SLC24A2: variants seen among roughly 807,000 people sequenced by gnomAD.
The protein encoded by SLC24A2 is sodium/potassium/calcium exchanger 2.
A neutral mutation model predicts 62.0 loss-of-function variants in SLC24A2; 36 were observed. That is an observed-to-expected ratio of 0.58 (90% CI 0.44 to 0.77). The LOEUF (loss-of-function observed/expected upper bound fraction) is 0.77, where lower values mean the gene tolerates loss of function less well. SLC24A2 is among the 30% of genes least tolerant of loss of function. SLC24A2 has a pLI of 0.00. For synonymous variants in SLC24A2, 358 were observed against 294.0 expected, an observed-to-expected ratio of 1.22 and a Z score of -2.23; for missense variants, 846 against 817.9, an observed-to-expected ratio of 1.03 and a Z score of -0.42.
chr9:20,098,150 C>A, the SLC24A2 span, among the ~76,000 whole-genome samples: 99 of 152,254 alleles, frequency 6.5e-4, no homozygotes, highest in Middle Eastern at 3.4e-3. Context: ...ACTTAGCTAT[C>A]AGGTTCTGAA....
chr9:19,914,623 A>G, the SLC24A2 span, among the ~76,000 whole-genome samples: 2 of 152,120 alleles, frequency 1.3e-5, no homozygotes, highest in African/African-American at 4.8e-5. Flanking sequence ...CTCTTAAGGC[A>G]TTCTGTTCAC....
At chr9:20,013,466 A>T in the SLC24A2 span, among the ~76,000 whole-genome samples, 1 of 152,242 alleles carries the variant, frequency 6.6e-6, no homozygotes, top group Non-Finnish European at 1.5e-5. Context: ...CTACTGGAAG[A>T]AAACATGAGG....
intron 7 of SLC24A2, among the ~76,000 whole-genome samples, chr9:19,558,034 C>T (rs943797186): frequency 1.4e-4 from 22 of 152,106 alleles, no homozygotes; most frequent in African/African-American, 5.3e-4. Flanking sequence ...CCCAGGCTGA[C>T]TCAAGTGATC....
chr9:19,631,349 C>G (rs1177393717), intron 2 of SLC24A2, among the ~76,000 whole-genome samples: 1 of 152,158 alleles, frequency 6.6e-6, no homozygotes, highest in Non-Finnish European at 1.5e-5. Context: ...TTGAATCAGT[C>G]TCCTCCCAGG....
the SLC24A2 span, among the ~76,000 whole-genome samples, chr9:20,139,266 A>G: frequency 6.6e-6 from 1 of 152,236 alleles, no homozygotes; most frequent in East Asian, 1.9e-4. Flanking sequence ...GACTGCCTGT[A>G]TTAAAATCCC....
chr9:19,915,604 G>C, the SLC24A2 span, among the ~76,000 whole-genome samples: 1 of 151,938 alleles, frequency 6.6e-6, no homozygotes, highest in Non-Finnish European at 1.5e-5. Context: ...TATTTTCTTG[G>C]CTTATTATTA....
the SLC24A2 span, among the ~76,000 whole-genome samples, chr9:20,106,393 C>CA: frequency 2.6e-5 from 4 of 151,874 alleles, no homozygotes; most frequent in African/African-American, 9.7e-5. Context: ...GAGACACAAC[C>CA]AAAAAAGAGA....
chr9:19,587,463 T>C (rs997176455), intron 5 of SLC24A2, among the ~76,000 whole-genome samples: 1 of 152,208 alleles, frequency 6.6e-6, no homozygotes, highest in Non-Finnish European at 1.5e-5. Context: ...TACATTGTAA[T>C]CTGGTACCTG....
the SLC24A2 span, among the ~76,000 whole-genome samples, chr9:20,039,168 C>A: frequency 6.6e-6 from 1 of 152,136 alleles, no homozygotes; most frequent in Non-Finnish European, 1.5e-5. Context: ...GACGGGCTGG[C>A]CCTGAGTTTT....
the SLC24A2 span, among the ~76,000 whole-genome samples, chr9:20,274,840 G>C: frequency 6.6e-6 from 1 of 152,002 alleles, no homozygotes; most frequent in South Asian, 2.1e-4. Context: ...ACTGTGGGAT[G>C]AGCATGCCAC....
intron 8 of SLC24A2, among the ~76,000 whole-genome samples, chr9:19,533,026 CTG>C (rs1365761863): frequency 6.6e-6 from 1 of 152,142 alleles, no homozygotes; most frequent in Non-Finnish European, 1.5e-5. Flanking sequence ...ATTAATAAAA[CTG>C]TAAGTGTAAA....
At chr9:19,793,871 T>C (rs1823347926), upstream of SLC24A2, among the ~76,000 whole-genome samples, 3 of 152,228 alleles carry the variant, frequency 2.0e-5, no homozygotes, top group Non-Finnish European at 4.4e-5. Flanking sequence ...GTCTACTTCC[T>C]AAGAGGATCT....
the SLC24A2 span, among the ~76,000 whole-genome samples, chr9:20,012,146 C>T: frequency 1.3e-5 from 2 of 152,192 alleles, no homozygotes; most frequent in Admixed American, 6.5e-5. Context: ...GAGATACCCA[C>T]TGTATTAGTC....
chr9:20,074,403 C>G, the SLC24A2 span, among the ~76,000 whole-genome samples: 4 of 151,882 alleles, frequency 2.6e-5, no homozygotes, highest in Non-Finnish European at 5.9e-5. Flanking sequence ...GGCTCACATC[C>G]TTGCCACTTA....
At chr9:19,819,069 A>G in the SLC24A2 span, among the ~76,000 whole-genome samples, 1 of 152,184 alleles carries the variant, frequency 6.6e-6, no homozygotes, top group South Asian at 2.1e-4. Context: ...CTGATCTTTG[A>G]CAAAGCAAAC....
chr9:19,720,205 A>G (rs1436416087), intron 2 of SLC24A2, among the ~76,000 whole-genome samples: 1 of 152,208 alleles, frequency 6.6e-6, no homozygotes, highest in African/African-American at 2.4e-5. Context: ...TTTTTCTATT[A>G]AAAATTTAAA....
chr9:19,972,927 A>G, the SLC24A2 span, among the ~76,000 whole-genome samples: 2 of 152,118 alleles, frequency 1.3e-5, no homozygotes, highest in African/African-American at 4.8e-5. Context: ...ACCTGCCCAC[A>G]CTTGCCTGTT....
the SLC24A2 span, among the ~76,000 whole-genome samples, chr9:20,239,123 A>C: frequency 6.6e-6 from 1 of 152,238 alleles, no homozygotes; most frequent in African/African-American, 2.4e-5. Context: ...TGAGCTGACT[A>C]ATACAACATC....
At chr9:20,008,361 C>T in the SLC24A2 span, among the ~76,000 whole-genome samples, 9 of 152,116 alleles carry the variant, frequency 5.9e-5, no homozygotes, top group African/African-American at 1.9e-4. Flanking sequence ...ACTCTGTCTT[C>T]GCCTGGCTCT....
Sources: gnomAD v4.1 joint callset for allele counts (sites outside exome capture counted in the v4.1 genomes callset) on GRCh38, gnomAD v4.1.1 for gene constraint, MANE v1.5 for transcripts, NCBI Gene and HGNC (gene_info 2026-07-23, HGNC 2026-07-21) for gene names.